Variants in KCNMB4 observed in about 807,000 individuals in gnomAD.
KCNMB4 encodes potassium calcium-activated channel subfamily M regulatory beta subunit 4.
Under a neutral mutation model 20.7 loss-of-function variants are expected in KCNMB4, and 3 were observed. That is an observed-to-expected ratio of 0.14 (90% CI 0.07 to 0.37). The LOEUF (loss-of-function observed/expected upper bound fraction) is 0.37. Ranked by LOEUF, KCNMB4 falls within the 10% of genes least tolerant of loss-of-function variation. The pLI is 1.00. For synonymous variants in KCNMB4, 110 were observed against 113.4 expected, an observed-to-expected ratio of 0.97 and a Z score of 0.19; for missense variants, 168 against 265.9, an observed-to-expected ratio of 0.63 and a Z score of 2.56.
intron 1 of KCNMB4, among the ~76,000 whole-genome samples, chr12:70,387,709 A>G (rs1868269112): frequency 1.3e-5 from 2 of 151,958 alleles, no homozygotes; most frequent in Admixed American, 1.3e-4. Context: ...GTAGGTATAT[A>G]TATTTAAGAG....
Position 70,400,225 on chromosome 12 carries a change from C to T in KCNMB4, c.353C>T (p.Pro118Leu), listed in dbSNP as rs748009617. ...LTNPKCSYIP[P>L]CKRENQKNLE... ...TTTTGTTAGTGCTCCTATATCCCTC[C>T]CTGTAAGAGAGAAAATCAGAAGAAT... Residue 118 changes from proline to leucine, a missense_variant, in exon 2 of 3, where the codon CCC becomes CTC. Pro to Leu is a moderately conservative substitution (Grantham distance 98). Coordinates refer to ENST00000258111, the MANE Select transcript of KCNMB4 (RefSeq NM_014505.6). 5 of 1,608,232 alleles carry T rather than the reference C, an allele frequency of 3.1e-6. No homozygotes were observed. Among genetic ancestry groups the T allele is most frequent in the African/African-American group, 1.3e-5 (1 of 74,716 alleles).
At chr12:70,386,209 T>G (rs932553794) in intron 1 of KCNMB4, among the ~76,000 whole-genome samples, 2 of 152,184 alleles carry the variant, frequency 1.3e-5, no homozygotes, top group Non-Finnish European at 2.9e-5. Flanking sequence ...ATACCTCATC[T>G]TGTAAGTCTG....
At position 70,432,112 on chromosome 12, in the gene KCNMB4, C is replaced by A. The variant is rs182678800; in HGVS notation, c.*1459C>A. 6 of 149,308 alleles carry A rather than the reference C, an allele frequency of 4.0e-5. No homozygotes were observed. In the East Asian group the frequency reaches 1.2e-3, roughly 30 times the overall value. 9.2% of individuals were successfully genotyped at this position (149,308 alleles called of 1,614,324 possible). On this transcript the variant is annotated 3_prime_UTR_variant, in exon 3 of 3. Coordinates refer to ENST00000258111, the MANE Select transcript of KCNMB4 (RefSeq NM_014505.6). ...TGGCACGATCTCGGCTCACTACAGT[C>A]TCCACCTCCTGGGTTCAAGTCATTC...
chr12:70,366,755 T>G lies in KCNMB4; in HGVS notation c.21T>G (p.Ala7=). The G allele has an allele frequency of 6.2e-7, 1 of 1,604,022 alleles. No homozygotes were observed. Among genetic ancestry groups the G allele is most frequent in the Non-Finnish European group, 8.5e-7 (1 of 1,177,148 alleles). The change falls in exon 1 of 3, where the codon GCT becomes GCG. Residue 7 remains alanine (A), a synonymous_variant. Transcript: ENST00000258111. MAKLRV[A]YEYTEAEDKS... is the part of the protein sequence containing the mutation. ...GGGCGATGGCGAAGCTCCGGGTGGC[T>G]TACGAGTACACGGAAGCCGAGGACA...
intron 2 of KCNMB4, among the ~76,000 whole-genome samples, chr12:70,403,175 A>G (rs1303026142): frequency 8.0e-6 from 1 of 125,304 alleles, no homozygotes; most frequent in Non-Finnish European, 1.6e-5. Context: ...TTCCATAGTC[A>G]TCGTCTTTTA....
intron 2 of KCNMB4, among the ~76,000 whole-genome samples, chr12:70,425,440 AAAAACAAAAAC>A (rs577161498): frequency 6.4e-4 from 97 of 152,314 alleles, no homozygotes; most frequent in African/African-American, 2.2e-3. Flanking sequence ...CCCATCTCAA[AAAAACAAAAAC>A]AAAACAAAAC....
chr12:70,400,414 T>A, intron 2 of KCNMB4, 78 bp downstream of exon 2: 1 of 1,412,172 alleles, frequency 7.1e-7, no homozygotes, highest in South Asian at 1.5e-5. Context: ...TCGTAGATTA[T>A]GCCCACTTGA....
chr12:70,409,109 G>A (rs1158303332), intron 2 of KCNMB4, among the ~76,000 whole-genome samples: 1 of 152,180 alleles, frequency 6.6e-6, no homozygotes, highest in Non-Finnish European at 1.5e-5. Flanking sequence ...AGAGCATAGA[G>A]TTTTTCTATA....
chr12:70,366,959 C>T lies in KCNMB4; in HGVS notation c.225C>T (p.Asp75=). Residue 75 remains aspartate (D), a synonymous_variant, in exon 1 of 3, where the codon GAC becomes GAT. Transcript: ENST00000258111. ...VFECTFTCGA[D]CRGTSQYPCV... ...AGTGCACCTTCACCTGTGGCGCCGA[C>T]TGCAGGGGCACCTCGCAGTACCCCT... The T allele has an allele frequency of 6.2e-7, 1 of 1,610,228 alleles. No homozygotes were observed.
intron 2 of KCNMB4, among the ~76,000 whole-genome samples, chr12:70,406,718 C>G (rs548469768): frequency 3.1e-4 from 47 of 152,146 alleles, no homozygotes; most frequent in Admixed American, 3.0e-3. Context: ...GATGAACGTC[C>G]TCTCACTCCC....
intron 2 of KCNMB4, among the ~76,000 whole-genome samples, chr12:70,414,237 A>T (rs1479105499): frequency 6.6e-6 from 1 of 152,206 alleles, no homozygotes; most frequent in Non-Finnish European, 1.5e-5. Context: ...GTCTCAAAAA[A>T]AAAGATTTTG....
At chr12:70,375,803 T>C (rs1883675285) in intron 1 of KCNMB4, among the ~76,000 whole-genome samples, 1 of 152,176 alleles carries the variant, frequency 6.6e-6, no homozygotes, top group South Asian at 2.1e-4. Flanking sequence ...GGTCATGGTA[T>C]ATAATTCTTT....
At chr12:70,374,208 AC>A (rs1338298357) in intron 1 of KCNMB4, among the ~76,000 whole-genome samples, 4 of 152,246 alleles carry the variant, frequency 2.6e-5, no homozygotes, top group African/African-American at 9.6e-5. Context: ...CTTACAAAAT[AC>A]ATTTATTTGA....
At chr12:70,378,946 C>G (rs1442066534) in intron 1 of KCNMB4, among the ~76,000 whole-genome samples, 1 of 152,182 alleles carries the variant, frequency 6.6e-6, no homozygotes, top group Non-Finnish European at 1.5e-5. Context: ...TTAATCTCCT[C>G]ATACATCTCC....
chr12:70,383,169 A>T (rs894190167), intron 1 of KCNMB4, among the ~76,000 whole-genome samples: 3 of 152,252 alleles, frequency 2.0e-5, no homozygotes, highest in African/African-American at 7.2e-5. Flanking sequence ...GATCATAACT[A>T]TGTAAGGTGA....
chr12:70,407,994 A>T (rs1478235806), intron 2 of KCNMB4, among the ~76,000 whole-genome samples: 2 of 152,182 alleles, frequency 1.3e-5, no homozygotes, highest in African/African-American at 2.4e-5. Context: ...ATTTCTTATT[A>T]TGTCACCTAT....
chr12:70,400,255 A>G lies in KCNMB4; in HGVS notation c.383A>G (p.Glu128Gly). 6.2e-7 allele frequency: 1 copy of G among 1,612,774 alleles called. No homozygotes were observed. Among genetic ancestry groups the G allele is most frequent in the Admixed American group, 1.7e-5 (1 of 59,698 alleles). Residue 128 changes from glutamate (E) to glycine (G), a missense_variant, in exon 2 of 3, where the codon GAA becomes GGA. Physicochemically the swap from Glu to Gly is moderately conservative, Grantham distance 98. Coordinates refer to ENST00000258111, the MANE Select transcript of KCNMB4 (RefSeq NM_014505.6). ...AAGAGAGAAAATCAGAAGAATTTGG[A>G]AAGTGTCATGAATTGGCAACAGTAC... ...PCKRENQKNL[E>G]SVMNWQQYWK...
At chr12:70,412,597 A>G (rs570041539) in intron 2 of KCNMB4, among the ~76,000 whole-genome samples, 2 of 152,338 alleles carry the variant, frequency 1.3e-5, no homozygotes, top group African/African-American at 4.8e-5. Flanking sequence ...ATTTTAATAT[A>G]TTTATATGTT....
Position 70,366,472 on chromosome 12 carries a change from G to T in KCNMB4, c.-263G>T, listed in dbSNP as rs1883491718. 1 of 152,166 alleles carries T rather than the reference G, an allele frequency of 6.6e-6. No individual in the cohort carries two copies. The highest frequency in any genetic ancestry group is 1.5e-5 in the Non-Finnish European group (1 of 68,432). The allele number at this position is 152,166 out of a possible 1,614,324, so 9.4% of individuals were successfully genotyped here. A position where few individuals can be genotyped will look rare whatever the true frequency, so the allele number is the denominator to read the frequency against. On this transcript the variant is annotated 5_prime_UTR_variant, in exon 1 of 3. Coordinates refer to ENST00000258111, the MANE Select transcript of KCNMB4 (RefSeq NM_014505.6). ...GTCCGTGCGCTCCCCGCGCCCGAGG[G>T]TGCAGGAGGCTCTGAAGCGGCTGCT...
Sources: gnomAD v4.1 joint callset for allele counts (sites outside exome capture counted in the v4.1 genomes callset) on GRCh38, gnomAD v4.1.1 for gene constraint, MANE v1.5 for transcripts, NCBI Gene and HGNC (gene_info 2026-07-23, HGNC 2026-07-21) for gene names.